Variants in CWC25 observed in about 807,000 individuals in gnomAD.
CWC25 encodes the protein pre-mRNA-splicing factor CWC25 homolog.
CWC25 carries 31 observed loss-of-function variants against 54.6 expected under a neutral mutation model. The ratio of observed to expected loss-of-function variants is 0.57; its 90% CI spans 0.43 to 0.77. The LOEUF (loss-of-function observed/expected upper bound fraction) is 0.77, where lower values mean the gene tolerates loss of function less well. Ranked by LOEUF, CWC25 falls within the 30% of genes least tolerant of loss-of-function variation. CWC25 has a pLI of 0.00. For missense variants in CWC25, 453 were observed against 529.3 expected, an observed-to-expected ratio of 0.86 and a Z score of 1.41; for synonymous variants, 151 against 187.0, an observed-to-expected ratio of 0.81 and a Z score of 1.57.
chr17:38,815,775 A>G (rs1174960207), intron 2 of CWC25: 2 of 861,894 alleles, frequency 2.3e-6, no homozygotes, highest in African/African-American at 1.8e-5. Flanking sequence ...CTACATCACC[A>G]TCTTACCATC....
Position 38,802,722 on chromosome 17 carries a change from A to C in CWC25, c.1141T>G (p.Ser381Ala). 1.2e-6 allele frequency: 2 copies of C among 1,613,950 alleles called. No homozygotes were observed. The highest frequency in any genetic ancestry group is 1.7e-6 in the Non-Finnish European group (2 of 1,179,860). Residue 381 changes from serine to alanine, a missense_variant, in exon 9 of 10, where the codon TCC (serine) becomes GCC (alanine). Ser to Ala is a moderately conservative substitution (Grantham distance 99). Coordinates refer to ENST00000614790, the MANE Select transcript of CWC25 (RefSeq NM_017748.5). ...CACTGGATGAACTTCCCATCCCGGG[A>C]GTCCAGCTTCTCTAGCCTCTGCTCC... ...EREQRLEKLD[S>A]RDGKFIHRMK...
intron 3 of CWC25, among the ~76,000 whole-genome samples, chr17:38,814,381 C>T (rs1458958017): frequency 1.3e-4 from 19 of 148,524 alleles, no homozygotes; most frequent in Admixed American, 1.1e-3. Context: ...CCTCAGTTCA[C>T]GCCATTCTCC....
At chr17:38,809,645 C>T in intron 6 of CWC25, 57 bp downstream of exon 6, 3 of 1,540,584 alleles carry the variant, frequency 1.9e-6, no homozygotes, top group Admixed American at 3.5e-5. Context: ...CCACATTGTC[C>T]AAGTGGCACA....
chr17:38,804,116 A>T (rs1317144247), intron 8 of CWC25, among the ~76,000 whole-genome samples: 2 of 152,158 alleles, frequency 1.3e-5, no homozygotes, highest in African/African-American at 4.8e-5. Context: ...TTTAGATTGC[A>T]GGAAGCAAAT....
chr17:38,813,176 G>A (rs1484579962), intron 3 of CWC25, among the ~76,000 whole-genome samples: 1 of 151,488 alleles, frequency 6.6e-6, no homozygotes, highest in Non-Finnish European at 1.5e-5. Context: ...TGATGATGGG[G>A]CTGGGTGCAG....
At chr17:38,813,548 CA>C (rs35706016) in intron 3 of CWC25, among the ~76,000 whole-genome samples, 36,214 of 103,030 alleles carry the variant, frequency 0.35, 5,906 homozygotes, top group East Asian at 0.65. Context: ...GAGATTGTCT[CA>C]AAAAAAAAAA....
At chr17:38,820,757 GC>G in intron 2 of CWC25, 143 bp downstream of exon 2, 1 of 1,005,632 alleles carries the variant, frequency 9.9e-7, no homozygotes, top group Admixed American at 2.6e-5. Flanking sequence ...GCTAGTACAT[GC>G]AAAGCCAACC....
At position 38,820,901 on chromosome 17, in the gene CWC25, T is replaced by A; in HGVS notation, c.191A>T (p.Lys64Met). ...QRYAEDVGAVKKKEEKLDWMY... is the reference protein window; with the variant it reads ...QRYAEDVGAVMKKEEKLDWMY... ...AGCGCACCCCCAGCTCCTCACTTAC[T>A]TGACGGCCCCAACATCCTCCGCATA... Residue 64 changes from lysine (K) to methionine (M), a missense_variant and splice_region_variant, in exon 2 of 10, where the codon AAG (lysine) becomes ATG (methionine). Lys to Met is a moderately conservative substitution (Grantham distance 95). Transcript: ENST00000614790. 6.2e-7 allele frequency: 1 copy of A among 1,610,068 alleles called. No homozygotes were observed. Among genetic ancestry groups the A allele is most frequent in the Non-Finnish European group, 8.5e-7 (1 of 1,178,140 alleles).
chr17:38,814,435 C>A (rs1215540531), intron 3 of CWC25, among the ~76,000 whole-genome samples: 1 of 150,782 alleles, frequency 6.6e-6, no homozygotes, highest in Non-Finnish European at 1.5e-5. Context: ...CACCCAGGGT[C>A]TCATTAATAT....
At chr17:38,815,584 C>T (rs1451813646) in intron 2 of CWC25, 1 of 849,284 alleles carries the variant, frequency 1.2e-6, no homozygotes, top group Non-Finnish European at 1.7e-6. Flanking sequence ...TGCTTGTCCT[C>T]ATGAGGCTTA....
At chr17:38,809,936 G>T in intron 5 of CWC25, 171 bp from the exon 6 acceptor site, 1 of 585,692 alleles carries the variant, frequency 1.7e-6, no homozygotes, top group Non-Finnish European at 2.9e-6. Context: ...AAATGCATCA[G>T]CACAATCAAA....
At chr17:38,807,174 T>A (rs898480750) in intron 6 of CWC25, among the ~76,000 whole-genome samples, 198 bp from the exon 7 acceptor site, 1 of 151,388 alleles carries the variant, frequency 6.6e-6, no homozygotes, top group South Asian at 2.1e-4. Context: ...AATTAAAAAA[T>A]TAGCTGGGCG....
chr17:38,823,183 G>T, intron 1 of CWC25, among the ~76,000 whole-genome samples: 1 of 122,252 alleles, frequency 8.2e-6, no homozygotes, highest in Non-Finnish European at 1.7e-5. Flanking sequence ...TTTTTGAGAC[G>T]AGGTCTTGCT....
rs200256733 is a variant in CWC25, at chr17:38,810,759, C to T, written c.499-164G>A. Among the ~76,000 whole-genome samples, 20 of 151,676 alleles carry T rather than the reference C, an allele frequency of 1.3e-4. No homozygotes were observed. In the East Asian group the frequency reaches 3.5e-3, roughly 27 times the overall value. The stretch of plus-strand genomic sequence containing the variant: ...CCAACATGGCAAAACCCCATCTCTA[C>T]TAAAAATACAAAAATCAGCTGGGTG... On this transcript the variant is annotated intron_variant, in intron 4 of 9. Transcript: ENST00000614790.
rs1365692414 is a variant in CWC25 at position 38,825,266 on chromosome 17, C to T, written c.-83G>A. Reference sequence around the variant, plus strand: ...AAAACGTAGAGAAATAGTTCGGGGGCTACCTCGCGGGATCTAGTCCCAGGA... The same window carrying T: ...AAAACGTAGAGAAATAGTTCGGGGGTTACCTCGCGGGATCTAGTCCCAGGA... On this transcript the variant is annotated 5_prime_UTR_variant, in exon 1 of 10. Transcript: ENST00000614790. 4 of 1,450,452 alleles carry T rather than the reference C, an allele frequency of 2.8e-6. No individual in the cohort carries two copies. In the Admixed American group the frequency reaches 8.9e-5, roughly 32 times the overall value. 89.8% of individuals were successfully genotyped at this position (1,450,452 alleles called of 1,614,324 possible). A position where few individuals can be genotyped will look rare whatever the true frequency, so the allele number is the denominator to read the frequency against.
chr17:38,806,758 C>A lies in CWC25; in HGVS notation c.902+7G>T. 6.4e-7 allele frequency: 1 copy of A among 1,564,320 alleles called. No homozygotes were observed. The highest frequency in any genetic ancestry group is 8.6e-7 in the Non-Finnish European group (1 of 1,158,354). ...ACAGGTTATTTCCCAGTGAATCCCA[C>A]ACTCACAGTTTGCTGGGTCTTGGGG... On this transcript the variant is annotated splice_region_variant and intron_variant, in intron 7 of 9. Transcript: ENST00000614790.
chr17:38,807,532 G>A (rs1232067026), intron 6 of CWC25, among the ~76,000 whole-genome samples: 4 of 139,834 alleles, frequency 2.9e-5, no homozygotes, highest in African/African-American at 1.0e-4. Context: ...GGAGGCAGGA[G>A]GACTGCCTGA....
Position 38,809,645 on chromosome 17 carries a change from C to G in CWC25, c.690+57G>C, listed in dbSNP as rs934728321. 3.9e-6 allele frequency: 6 copies of G among 1,540,466 alleles called. No homozygotes were observed. In the African/African-American group the frequency reaches 8.2e-5, roughly 21 times the overall value. On this transcript the variant is annotated intron_variant, in intron 6 of 9. Transcript: ENST00000614790. ...CCACCTCCCTGCTATCCACATTGTC[C>G]AAGTGGCACATCCCACAGTCCCACA...
intron 8 of CWC25, among the ~76,000 whole-genome samples, chr17:38,805,110 A>G (rs1474215321): frequency 2.9e-5 from 4 of 138,340 alleles, no homozygotes; most frequent in East Asian, 4.2e-4. Context: ...TCCATCTCAG[A>G]AAAAAAAAAA....
Sources: allele counts gnomAD v4.1 joint callset (sites outside exome capture counted in the v4.1 genomes callset), GRCh38; gene constraint gnomAD v4.1.1; transcripts MANE v1.5; gene names NCBI Gene and HGNC (gene_info 2026-07-23, HGNC 2026-07-21).